The following KDM4C variants were observed in gnomAD, a reference collection of about 807,000 sequenced individuals.
KDM4C encodes lysine-specific demethylase 4C.
In KDM4C, 81 loss-of-function variants were observed where a neutral mutation model predicts 129.3. The ratio of observed to expected loss-of-function variants is 0.63; its 90% CI spans 0.52 to 0.75. The LOEUF is 0.75. Ranked by LOEUF, KDM4C falls within the 30% of genes least tolerant of loss-of-function variation. The probability of loss-of-function intolerance (pLI) is 0.00; values close to 1 mark genes in which losing one functional copy is unlikely to be tolerated. For missense variants in KDM4C, 1,457 were observed against 1,304.0 expected, an observed-to-expected ratio of 1.12 and a Z score of -1.81; for synonymous variants, 573 against 456.1, an observed-to-expected ratio of 1.26 and a Z score of -3.26.
intron 8 of KDM4C, among the ~76,000 whole-genome samples, chr9:6,935,392 G>A (rs1214279897): frequency 1.3e-5 from 2 of 151,676 alleles, no homozygotes; most frequent in South Asian, 2.1e-4. Context: ...TTTAGCTACA[G>A]TAAAACATGA....
At chr9:7,091,565 G>T (rs1305182776) in intron 17 of KDM4C, among the ~76,000 whole-genome samples, 4 of 152,132 alleles carry the variant, frequency 2.6e-5, no homozygotes, top group Non-Finnish European at 5.9e-5. Context: ...TGTGATTTTA[G>T]TGAATGTATT....
intron 17 of KDM4C, among the ~76,000 whole-genome samples, chr9:7,082,842 TAATC>T (rs1240492960): frequency 1.3e-5 from 2 of 152,138 alleles, no homozygotes; most frequent in Non-Finnish European, 2.9e-5. Context: ...GTAGAATTAA[TAATC>T]AAGTTGTATG....
At chr9:7,039,484 AT>A (rs1828198390) in intron 15 of KDM4C, among the ~76,000 whole-genome samples, 1 of 152,018 alleles carries the variant, frequency 6.6e-6, no homozygotes, top group Non-Finnish European at 1.5e-5. Flanking sequence ...ACTTATTAAA[AT>A]ACAGCTGACC....
At chr9:7,083,366 A>G (rs1444910251) in intron 17 of KDM4C, among the ~76,000 whole-genome samples, 3 of 152,250 alleles carry the variant, frequency 2.0e-5, no homozygotes, top group African/African-American at 7.2e-5. Context: ...CTTTTGGATT[A>G]GATATATTCA....
intron 1 of KDM4C, among the ~76,000 whole-genome samples, chr9:6,783,934 A>C (rs1010591709): frequency 3.9e-5 from 6 of 152,150 alleles, no homozygotes; most frequent in African/African-American, 1.4e-4. Flanking sequence ...TGGGGAGAGA[A>C]GGCTGTAGCT....
intron 12 of KDM4C, among the ~76,000 whole-genome samples, chr9:7,007,412 C>A (rs1821876417): frequency 6.6e-6 from 1 of 152,174 alleles, no homozygotes; most frequent in Non-Finnish European, 1.5e-5. Context: ...TTGTTTTCTT[C>A]AATTTCTGGC....
chr9:6,886,460 G>A (rs1437730417), intron 6 of KDM4C, among the ~76,000 whole-genome samples: 1 of 148,716 alleles, frequency 6.7e-6, no homozygotes, highest in Non-Finnish European at 1.5e-5. Context: ...CTACAGGCAC[G>A]CACCACCATG....
intron 18 of KDM4C, among the ~76,000 whole-genome samples, chr9:7,106,167 A>G (rs1837662536): frequency 6.6e-6 from 1 of 152,242 alleles, no homozygotes; most frequent in African/African-American, 2.4e-5. Context: ...GGAACTAACC[A>G]GTAGGAATTT....
chr9:6,824,625 C>G (rs1378077546), intron 4 of KDM4C, among the ~76,000 whole-genome samples: 3 of 128,536 alleles, frequency 2.3e-5, no homozygotes, highest in Non-Finnish European at 4.7e-5. Flanking sequence ...GTGGCTCACG[C>G]AAGACTCCGT....
chr9:6,935,194 T>G (rs1396871915), intron 8 of KDM4C, among the ~76,000 whole-genome samples: 1 of 152,154 alleles, frequency 6.6e-6, no homozygotes, highest in Non-Finnish European at 1.5e-5. Flanking sequence ...ATATCTCAAT[T>G]ATTTTTTCCT....
Position 6,882,769 on chromosome 9 carries a change from CATTTGT to C in KDM4C, c.679+2709_679+2714del, listed in dbSNP as rs1331203881. ...GGTTAGTTTAGTTCATGCTTTTAAG[CATTTGT>C]GTGTGTGTGTGTGTGTGTGTGTGTG... On this transcript the variant is annotated intron_variant, in intron 6 of 21. Coordinates refer to ENST00000381309, the MANE Select transcript of KDM4C (RefSeq NM_015061.6). 2.1e-3 allele frequency among the ~76,000 whole-genome samples: 254 copies of C among 119,884 alleles called. 2 individuals carry two copies. Among genetic ancestry groups the C allele is most frequent in the African/African-American group, 6.5e-3 (198 of 30,298 alleles). The allele number at this position is 119,884 out of a possible 152,430, so 78.6% of individuals were successfully genotyped here.
In KDM4C at chr9:6,805,765, A is replaced by T; in HGVS notation, c.311A>T (p.Asn104Ile). ...MTVKEFRQLA[N>I]SGKYCTPRYL... ...GTGAAGGAGTTCAGGCAGCTGGCCA[A>T]CAGTGGCAAGTGAGTAGAATCAGTT... The change falls in exon 3 of 22, where the codon AAC becomes ATC. Residue 104 changes from asparagine to isoleucine, a missense_variant. Physicochemically the swap from Asn to Ile is moderately radical, Grantham distance 149. Transcript: ENST00000381309. The T allele has an allele frequency of 6.2e-7, 1 of 1,611,794 alleles. No individual in the cohort carries two copies. The highest frequency in any genetic ancestry group is 8.5e-7 in the Non-Finnish European group (1 of 1,179,334).
At chr9:6,743,484 A>C (rs1399305053) in intron 1 of KDM4C, among the ~76,000 whole-genome samples, 1 of 152,070 alleles carries the variant, frequency 6.6e-6, no homozygotes, top group African/African-American at 2.4e-5. Flanking sequence ...AAGCTAGAAC[A>C]AAGAATAACA....
At chr9:6,938,867 G>A (rs560998721) in intron 8 of KDM4C, among the ~76,000 whole-genome samples, 1 of 151,998 alleles carries the variant, frequency 6.6e-6, no homozygotes, top group African/African-American at 2.4e-5. Context: ...AAATATTATT[G>A]TTCTTTCATA....
At chr9:7,120,380 G>A (rs1839366396) in intron 18 of KDM4C, among the ~76,000 whole-genome samples, 1 of 151,972 alleles carries the variant, frequency 6.6e-6, no homozygotes, top group Non-Finnish European at 1.5e-5. Flanking sequence ...TTCTTATAAG[G>A]GCCTGTATAA....
chr9:6,878,191 T>C (rs886125670), intron 5 of KDM4C, among the ~76,000 whole-genome samples: 3 of 152,238 alleles, frequency 2.0e-5, no homozygotes, highest in East Asian at 3.8e-4. Flanking sequence ...AAATATTACA[T>C]GTCTTCCGTG....
chr9:7,004,934 C>T (rs1821384254), intron 12 of KDM4C, among the ~76,000 whole-genome samples: 1 of 152,212 alleles, frequency 6.6e-6, no homozygotes, highest in African/African-American at 2.4e-5. Flanking sequence ...TACACTGACA[C>T]ACAGATAGTC....
At chr9:7,018,953 C>G (rs138162064) in intron 15 of KDM4C, among the ~76,000 whole-genome samples, 2,427 of 152,242 alleles carry the variant, frequency 0.016, 39 homozygotes, top group Non-Finnish European at 0.021. Flanking sequence ...TTGAATATAA[C>G]ATTACAATGA....
At chr9:6,822,491 G>A (rs1588505637) in intron 4 of KDM4C, among the ~76,000 whole-genome samples, 2 of 152,210 alleles carry the variant, frequency 1.3e-5, no homozygotes, top group East Asian at 3.8e-4. Context: ...ACCTTCTGTA[G>A]TTAAAACAAG....
Sources: gnomAD v4.1 joint callset for allele counts (sites outside exome capture counted in the v4.1 genomes callset) on GRCh38, gnomAD v4.1.1 for gene constraint, MANE v1.5 for transcripts, NCBI Gene and HGNC (gene_info 2026-07-23, HGNC 2026-07-21) for gene names.